The following DIPK1A variants were observed in gnomAD, a reference collection of about 807,000 sequenced individuals.
DIPK1A encodes divergent protein kinase domain 1A, also known as family with sequence similarity 69 member A.
DIPK1A carries 27 observed loss-of-function variants against 40.8 expected under a neutral mutation model. The ratio of observed to expected loss-of-function variants is 0.66; its 90% CI spans 0.49 to 0.91. The LOEUF is 0.91. Ranked by LOEUF, DIPK1A falls within the 40% of genes least tolerant of loss-of-function variation. The pLI is 0.00. For synonymous variants in DIPK1A, 166 were observed against 171.3 expected (o/e 0.97, Z 0.24); for missense variants, 412 against 505.7 (o/e 0.81, Z 1.78).
chr1:92,868,736 C>G (rs908001632), intron 2 of DIPK1A, among the ~76,000 whole-genome samples: 2 of 152,084 alleles, frequency 1.3e-5, no homozygotes, highest in Non-Finnish European at 2.9e-5. Flanking sequence ...AAGGCCGAGG[C>G]AGGTGGATCA....
downstream of DIPK1A, chr1:92,837,251 A>G (rs1687166205): frequency 1.3e-6 from 1 of 753,528 alleles, no homozygotes; most frequent in Admixed American, 1.7e-5. Context: ...TTTTTGTAGC[A>G]TGAATTTCTT....
intron 4 of DIPK1A, among the ~76,000 whole-genome samples, chr1:92,844,744 A>G (rs949496865): frequency 1.3e-5 from 2 of 151,898 alleles, no homozygotes. Flanking sequence ...ATTTTATCCT[A>G]TTTTGTATTT....
At chr1:92,873,552 T>C (rs1571078642) in intron 2 of DIPK1A, among the ~76,000 whole-genome samples, 1 of 151,216 alleles carries the variant, frequency 6.6e-6, no homozygotes, top group South Asian at 2.1e-4. Context: ...GAGGCAGAGG[T>C]TGCAGTGAGC....
chr1:92,874,245 G>T (rs777313733), intron 2 of DIPK1A, among the ~76,000 whole-genome samples: 1 of 152,146 alleles, frequency 6.6e-6, no homozygotes, highest in Non-Finnish European at 1.5e-5. Context: ...ACCAATATTT[G>T]CCCTACATTT....
intron 1 of DIPK1A, among the ~76,000 whole-genome samples, chr1:92,895,617 C>T (rs1471318622): frequency 6.6e-6 from 1 of 152,088 alleles, no homozygotes; most frequent in Non-Finnish European, 1.5e-5. Context: ...CCTCTCTCAC[C>T]ACTCCTATTC....
chr1:92,855,252 T>C lies in DIPK1A; in HGVS notation c.190-4297A>G, dbSNP rs777818410. Among the ~76,000 whole-genome samples, 23 of 152,170 alleles carry C rather than the reference T, an allele frequency of 1.5e-4. 1 individual carries two copies. In the South Asian group the frequency reaches 1.7e-3, roughly 11 times the overall value. ...ACAATGCAAGTGTATATATCAAAACTTGTGGGAGGCAGCCAAAGCAGTTCT... is the reference window on the plus strand; with the variant it reads ...ACAATGCAAGTGTATATATCAAAACCTGTGGGAGGCAGCCAAAGCAGTTCT... On this transcript the variant is annotated intron_variant, in intron 2 of 4. Coordinates refer to ENST00000370310, the MANE Select transcript of DIPK1A (RefSeq NM_001006605.5).
intron 1 of DIPK1A, among the ~76,000 whole-genome samples, chr1:92,940,678 T>C (rs1162046432): frequency 6.6e-6 from 1 of 152,264 alleles, no homozygotes; most frequent in Non-Finnish European, 1.5e-5. Context: ...TATTTTTAAG[T>C]TGACATCTAC....
intron 1 of DIPK1A, among the ~76,000 whole-genome samples, chr1:92,882,632 A>G (rs1473094059): frequency 6.6e-6 from 1 of 152,216 alleles, no homozygotes; most frequent in African/African-American, 2.4e-5. Context: ...AACCATGCTG[A>G]TACATATAGC....
In DIPK1A at chr1:92,892,541, A is replaced by C. The variant is rs985082668; in HGVS notation, c.55-16111T>G. On this transcript the variant is annotated intron_variant, in intron 1 of 4. Coordinates refer to ENST00000370310, the MANE Select transcript of DIPK1A (RefSeq NM_001006605.5). Reference sequence around the variant, plus strand: ...AAGACCAAAGGCAGATAAAACCACAAAGATGGGGAAAAAACAGAGCAGAAA... The same window carrying C: ...AAGACCAAAGGCAGATAAAACCACACAGATGGGGAAAAAACAGAGCAGAAA... 2.0e-5 allele frequency among the ~76,000 whole-genome samples: 3 copies of C among 152,142 alleles called. No homozygotes were observed. The East Asian group carries it at 5.8e-4, about 29-fold the overall frequency.
intron 1 of DIPK1A, among the ~76,000 whole-genome samples, chr1:92,900,269 C>A (rs1027762166): frequency 6.6e-6 from 1 of 151,970 alleles, no homozygotes; most frequent in Non-Finnish European, 1.5e-5. Flanking sequence ...TTAATGGTGT[C>A]CCATAAGTCT....
chr1:92,960,952 C>T (rs1166688136), intron 1 of DIPK1A, among the ~76,000 whole-genome samples: 1 of 152,252 alleles, frequency 6.6e-6, no homozygotes, highest in African/African-American at 2.4e-5. Flanking sequence ...GAGTCAAGGG[C>T]AACCGACCTG....
intron 4 of DIPK1A, among the ~76,000 whole-genome samples, chr1:92,846,967 C>T (rs1457825819): frequency 7.8e-6 from 1 of 128,270 alleles, no homozygotes; most frequent in Non-Finnish European, 1.7e-5. Context: ...TGGACTTGAA[C>T]TCCTGGGCTC....
chr1:92,845,315 A>G (rs978308499), intron 4 of DIPK1A, among the ~76,000 whole-genome samples: 9 of 120,776 alleles, frequency 7.5e-5, no homozygotes, highest in African/African-American at 3.3e-4. Flanking sequence ...TTTTTTTTGC[A>G]TAGGAAGAAC....
intron 1 of DIPK1A, among the ~76,000 whole-genome samples, chr1:92,945,557 T>C (rs1055268084): frequency 1.3e-5 from 2 of 152,228 alleles, no homozygotes; most frequent in African/African-American, 2.4e-5. Context: ...GAAATGTCTT[T>C]CATCTTAGGC....
At chr1:92,897,396 A>G (rs1409239492) in intron 1 of DIPK1A, among the ~76,000 whole-genome samples, 3 of 152,110 alleles carry the variant, frequency 2.0e-5, no homozygotes, top group African/African-American at 7.2e-5. Context: ...TCAGCAAACT[A>G]TCGCAAGGAC....
At chr1:92,890,194 ATTAGT>A (rs1648798826) in intron 1 of DIPK1A, among the ~76,000 whole-genome samples, 1 of 152,150 alleles carries the variant, frequency 6.6e-6, no homozygotes, top group Admixed American at 6.5e-5. Flanking sequence ...GAATTCATTG[ATTAGT>A]TCTAAGAGTT....
At chr1:92,939,092 G>C (rs1355350693) in intron 1 of DIPK1A, among the ~76,000 whole-genome samples, 4 of 152,024 alleles carry the variant, frequency 2.6e-5, no homozygotes, top group African/African-American at 9.7e-5. Context: ...AGCAGAGACG[G>C]GGCTTCACCA....
chr1:92,849,003 T>C (rs900285109), intron 3 of DIPK1A, among the ~76,000 whole-genome samples: 1 of 152,246 alleles, frequency 6.6e-6, no homozygotes, highest in Non-Finnish European at 1.5e-5. Context: ...ATTTCTCTGA[T>C]GAAAAGTAAG....
At chr1:92,894,148 C>T (rs1464231537) in intron 1 of DIPK1A, among the ~76,000 whole-genome samples, 3 of 152,106 alleles carry the variant, frequency 2.0e-5, no homozygotes, top group Non-Finnish European at 2.9e-5. Context: ...CTGCACCAAG[C>T]GGACCTAATA....
Sources: allele counts gnomAD v4.1 joint callset (sites outside exome capture counted in the v4.1 genomes callset), GRCh38; gene constraint gnomAD v4.1.1; transcripts MANE v1.5; gene names NCBI Gene and HGNC (gene_info 2026-07-23, HGNC 2026-07-21).